SPIRE2: variants seen among roughly 807,000 people sequenced by gnomAD.
SPIRE2 encodes spire type actin nucleation factor 2.
In SPIRE2, 76 loss-of-function variants were observed where a neutral mutation model predicts 80.7. That is an observed-to-expected ratio of 0.94 (90% CI 0.78 to 1.14). SPIRE2 has a LOEUF of 1.14. Ranked by LOEUF, SPIRE2 falls within the 50% of genes most tolerant of loss-of-function variation. The pLI is 0.00. For missense variants in SPIRE2, 1,196 were observed against 1,015.3 expected, an observed-to-expected ratio of 1.18 and a Z score of -2.42; for synonymous variants, 535 against 432.6, an observed-to-expected ratio of 1.24 and a Z score of -2.94.
At chr16:89,837,634 AGG>A (rs1234746057) in intron 1 of SPIRE2, among the ~76,000 whole-genome samples, 2 of 152,178 alleles carry the variant, frequency 1.3e-5, no homozygotes, top group Non-Finnish European at 2.9e-5. Context: ...GCGGGGGATC[AGG>A]GGCACTGCTG....
chr16:89,851,612 A>C (rs2041628670), intron 3 of SPIRE2, among the ~76,000 whole-genome samples: 1 of 152,066 alleles, frequency 6.6e-6, no homozygotes, highest in Admixed American at 6.6e-5. Context: ...CCGTGGACTC[A>C]GAGTTAGGAG....
In SPIRE2 at chr16:89,866,537, C is replaced by T. The variant is rs376088382; in HGVS notation, c.1779-1652C>T. On this transcript the variant is annotated intron_variant, in intron 12 of 14. Transcript: ENST00000378247. ...TCTCCAACTCCCGACCTCAGGTGAT[C>T]GCCCACCTTGGCCTCCCAAAGTGCT... Among the ~76,000 whole-genome samples the T allele has an allele frequency of 4.3e-4, 66 of 152,212 alleles. No homozygotes were observed. In the East Asian group the frequency reaches 6.2e-3, roughly 14 times the overall value.
intron 1 of SPIRE2, among the ~76,000 whole-genome samples, chr16:89,829,523 G>A (rs1050801784): frequency 2.6e-5 from 4 of 152,354 alleles, no homozygotes; most frequent in African/African-American, 7.2e-5. Context: ...GGGGGCAGAG[G>A]CAGGCTGTGT....
At position 89,845,516 on chromosome 16, in the gene SPIRE2, G is replaced by C. The variant is rs1400854464; in HGVS notation, c.288+151G>C. On this transcript the variant is annotated intron_variant, in intron 2 of 14. Transcript: ENST00000378247. The stretch of plus-strand genomic sequence containing the variant: ...CCCAACAGGCTTAGTTGCAGGGACT[G>C]GATGAAACGCTGTTCACAGAGAGCA... 133 of 778,328 alleles carry C rather than the reference G, an allele frequency of 1.7e-4. 3 individuals carry two copies. In the South Asian group the frequency reaches 1.8e-3, roughly 11 times the overall value. 48.2% of individuals were successfully genotyped at this position (778,328 alleles called of 1,614,324 possible). A position where few individuals can be genotyped will look rare whatever the true frequency, so the allele number is the denominator to read the frequency against.
intron 2 of SPIRE2, among the ~76,000 whole-genome samples, chr16:89,849,047 GC>G (rs1262877010): frequency 6.6e-6 from 1 of 152,254 alleles, no homozygotes; most frequent in Non-Finnish European, 1.5e-5. Context: ...GTGTTCTTGG[GC>G]CTTGTCCTGG....
intron 3 of SPIRE2, among the ~76,000 whole-genome samples, chr16:89,853,758 G>C (rs1303802351): frequency 6.6e-6 from 1 of 151,758 alleles, no homozygotes; most frequent in Admixed American, 6.6e-5. Context: ...CAAGTTCTCA[G>C]CACAGAGCGC....
At chr16:89,848,805 A>T (rs923492388) in intron 2 of SPIRE2, among the ~76,000 whole-genome samples, 5 of 149,148 alleles carry the variant, frequency 3.4e-5, no homozygotes, top group Non-Finnish European at 5.9e-5. Flanking sequence ...TTTCTGCAGG[A>T]CAGACGAGGC....
intron 3 of SPIRE2, among the ~76,000 whole-genome samples, chr16:89,852,021 C>A (rs917307812): frequency 3.1e-4 from 46 of 149,716 alleles, no homozygotes; most frequent in South Asian, 4.3e-4. Context: ...GCTCTCCCCC[C>A]ACCCCCCAGA....
intron 12 of SPIRE2, among the ~76,000 whole-genome samples, chr16:89,864,137 G>GT (rs2041768707): frequency 2.0e-5 from 3 of 152,184 alleles, no homozygotes; most frequent in Admixed American, 6.6e-5. Flanking sequence ...TGAAACAATG[G>GT]TTTTCAAGAC....
intron 2 of SPIRE2, chr16:89,846,671 C>G (rs2143799157): frequency 6.6e-6 from 1 of 150,696 alleles, no homozygotes; most frequent in East Asian, 2.0e-4. Flanking sequence ...CGCCACCATG[C>G]CCGGCTAATT....
In SPIRE2 at chr16:89,868,215, A is replaced by C; in HGVS notation, c.1805A>C (p.Lys602Thr). ...GCCGTCTGCACTTCCTGTAGCATAAAGGTGAGGACCATGTGGGATCTCTGG... is the reference window on the plus strand; with the variant it reads ...GCCGTCTGCACTTCCTGTAGCATAACGGTGAGGACCATGTGGGATCTCTGG... ...KRAVCTSCSI[K>T]MKMPSKKFGH... The change falls in exon 13 of 15, where the codon AAG (lysine) becomes ACG (threonine). Residue 602 changes from lysine (K) to threonine (T), a missense_variant and splice_region_variant. Lys to Thr is a moderately conservative substitution (Grantham distance 78). Coordinates refer to ENST00000378247, the MANE Select transcript of SPIRE2 (RefSeq NM_032451.2). 1 of 1,614,024 alleles carries C rather than the reference A, an allele frequency of 6.2e-7. No homozygotes were observed. Among genetic ancestry groups the C allele is most frequent in the Non-Finnish European group, 8.5e-7 (1 of 1,179,946 alleles).
At chr16:89,851,073 G>A (rs767338954) in intron 3 of SPIRE2, among the ~76,000 whole-genome samples, 7 of 152,002 alleles carry the variant, frequency 4.6e-5, no homozygotes, top group Non-Finnish European at 8.8e-5. Flanking sequence ...CATCTGCGTC[G>A]GCCTCCCAAA....
At chr16:89,866,758 G>T (rs929289074) in intron 12 of SPIRE2, among the ~76,000 whole-genome samples, 1 of 151,856 alleles carries the variant, frequency 6.6e-6, no homozygotes, top group African/African-American at 2.4e-5. Flanking sequence ...ACAGGTGCCC[G>T]CCACCAGGCC....
At chr16:89,850,710 G>A in intron 3 of SPIRE2, 50 bp downstream of exon 3, 1 of 1,296,662 alleles carries the variant, frequency 7.7e-7, no homozygotes, top group South Asian at 1.5e-5. Flanking sequence ...GCCAGGGAGG[G>A]GAGCAGTGGG....
chr16:89,861,785 G>A (rs1171775455), intron 10 of SPIRE2, among the ~76,000 whole-genome samples: 3 of 152,276 alleles, frequency 2.0e-5, no homozygotes, highest in East Asian at 1.9e-4. Flanking sequence ...AGCAGGAGGC[G>A]TGAGTCCCTT....
intron 2 of SPIRE2, among the ~76,000 whole-genome samples, chr16:89,849,641 G>A (rs1489006747): frequency 6.6e-6 from 1 of 152,132 alleles, no homozygotes; most frequent in African/African-American, 2.4e-5. Context: ...GACCACCTGG[G>A]CCTGTGGGCC....
intron 1 of SPIRE2, among the ~76,000 whole-genome samples, chr16:89,844,000 CT>C (rs995181603): frequency 2.0e-3 from 268 of 137,104 alleles, no homozygotes; most frequent in Middle Eastern, 3.8e-3. Flanking sequence ...CGTGCCTGGC[CT>C]TTTTTTTTTT....
chr16:89,854,207 G>A (rs1158512657), intron 3 of SPIRE2, 79 bp from the exon 4 acceptor site: 18 of 1,338,024 alleles, frequency 1.3e-5, no homozygotes, highest in South Asian at 3.8e-5. Context: ...TGACGTGGTC[G>A]TGTCCCTGAC....
chr16:89,848,486 G>A (rs926378405), intron 2 of SPIRE2, among the ~76,000 whole-genome samples: 41 of 150,538 alleles, frequency 2.7e-4, no homozygotes, highest in Admixed American at 5.3e-4. Flanking sequence ...CTTCTGCGGC[G>A]TTTCTGCAGG....
Sources: allele counts gnomAD v4.1 joint callset (sites outside exome capture counted in the v4.1 genomes callset), GRCh38; gene constraint gnomAD v4.1.1; transcripts MANE v1.5; gene names NCBI Gene and HGNC (gene_info 2026-07-23, HGNC 2026-07-21).